Variants in AATK observed in about 807,000 individuals in gnomAD.
AATK encodes the protein lemur tail kinase 1, also known as serine/threonine-protein kinase LMTK1.
Under a neutral mutation model 114.3 loss-of-function variants are expected in AATK, and 91 were observed. The ratio of observed to expected loss-of-function variants is 0.80; its 90% CI spans 0.67 to 0.95. AATK has a LOEUF of 0.95. AATK is among the 40% of genes least tolerant of loss of function. The probability of loss-of-function intolerance (pLI) is 0.00; values close to 1 mark genes in which losing one functional copy is unlikely to be tolerated. For synonymous variants in AATK, 1,075 were observed against 916.5 expected (o/e 1.17, Z -3.12); for missense variants, 2,176 against 1,965.2 (o/e 1.11, Z -2.03).
At chr17:81,127,395 C>T (rs914824037) in intron 6 of AATK, among the ~76,000 whole-genome samples, 188 bp downstream of exon 6, 2 of 152,152 alleles carry the variant, frequency 1.3e-5, no homozygotes, top group Non-Finnish European at 2.9e-5. Flanking sequence ...CCAGCCCCCA[C>T]AGTCCCTCCC....
intron 1 of AATK, among the ~76,000 whole-genome samples, chr17:81,144,469 C>T (rs1341872625): frequency 2.0e-5 from 3 of 152,190 alleles, no homozygotes; most frequent in African/African-American, 4.8e-5. Context: ...GACACAGTGG[C>T]CCCTGGAGGC....
chr17:81,121,423 A>G lies in AATK; in HGVS notation c.2513T>C (p.Ile838Thr). ...TPATGGEVSAIKLASALNGSS... is the reference protein window; with the variant it reads ...TPATGGEVSATKLASALNGSS... ...GCCATTCAGGGCAGAAGCCAGCTTG[A>G]TGGCAGACACCTCGCCACCAGTAGC... is the stretch of plus-strand genomic sequence containing the variant. Residue 838 changes from isoleucine (I) to threonine (T), a missense_variant, in exon 11 of 14, where the codon ATC becomes ACC. Around this residue, in one of 4 missense-constraint regions of AATK, gnomAD observed 1,701 missense variants for 1,394.7 expected, o/e 1.22. Coordinates refer to ENST00000326724, the MANE Select transcript of AATK (RefSeq NM_001080395.3). 2.5e-6 allele frequency: 4 copies of G among 1,605,444 alleles called. No homozygotes were observed. In the South Asian group the frequency reaches 4.5e-5, roughly 18 times the overall value.
At chr17:81,161,707 G>A (rs915984935) in intron 1 of AATK, among the ~76,000 whole-genome samples, 1 of 152,180 alleles carries the variant, frequency 6.6e-6, no homozygotes, top group Non-Finnish European at 1.5e-5. Flanking sequence ...GAAGTTATGA[G>A]ACCTGTCCAT....
intron 1 of AATK, among the ~76,000 whole-genome samples, chr17:81,135,605 A>G (rs78064897): frequency 0.019 from 2,918 of 152,284 alleles, 102 homozygotes; most frequent in African/African-American, 0.066. Flanking sequence ...GCCAAGAAAC[A>G]GGGTCAGTGT....
rs980079738 is a variant in AATK, at chr17:81,118,450, G to A, written c.4085-8C>T. 3 of 1,605,644 alleles carry A rather than the reference G, an allele frequency of 1.9e-6. No individual in the cohort carries two copies. Among genetic ancestry groups the A allele is most frequent in the Non-Finnish European group, 2.5e-6 (3 of 1,176,954 alleles). ...CGGCACCAGCTTCAGGTCCTGGCAA[G>A]CAGGACAACAAAGTGAACACAGGGT... is the stretch of plus-strand genomic sequence containing the variant. On this transcript the variant is annotated splice_polypyrimidine_tract_variant and splice_region_variant and intron_variant, in intron 13 of 13. Transcript: ENST00000326724.
At chr17:81,151,419 G>GAACTGGGGCTGGGGGGA (rs11403513) in intron 1 of AATK, among the ~76,000 whole-genome samples, 10 of 151,604 alleles carry the variant, frequency 6.6e-5, no homozygotes, top group Middle Eastern at 3.4e-3. Flanking sequence ...GGGCTGGGGG[G>GAACTGGGGCTGGGGGGA]ACCGTGGCCG....
intron 1 of AATK, among the ~76,000 whole-genome samples, chr17:81,144,444 G>A (rs1410967336): frequency 6.6e-6 from 1 of 152,198 alleles, no homozygotes; most frequent in African/African-American, 2.4e-5. Flanking sequence ...GAGCAGGCCT[G>A]TGGGTGGCCG....
rs1474497489 is a variant in AATK, at chr17:81,123,208, G to T, written c.1098C>A (p.Thr366=). 7.0e-7 allele frequency: 1 copy of T among 1,426,768 alleles called. No homozygotes were observed. The highest frequency in any genetic ancestry group is 1.5e-5 in the South Asian group (1 of 67,556). The allele number at this position is 1,426,768 out of a possible 1,614,324, so 88.4% of individuals were successfully genotyped here. ...GGGGCCCTCACCAGCGGTCCGACAGGGTCAGCTGCAGCTGGGGCTTGGGCA... is the reference window on the plus strand; with the variant it reads ...GGGGCCCTCACCAGCGGTCCGACAGTGTCAGCTGCAGCTGGGGCTTGGGCA... ...LKLPKPQLQL[T]LSDRWYEVMQ... The change falls in exon 10 of 14, where the codon ACC becomes ACA. Residue 366 remains threonine, a synonymous_variant. Transcript: ENST00000326724.
At chr17:81,151,397 G>A (rs957842890) in intron 1 of AATK, among the ~76,000 whole-genome samples, 7 of 81,558 alleles carry the variant, frequency 8.6e-5, no homozygotes, top group African/African-American at 2.2e-4. Context: ...TTTCTATGAC[G>A]CAAGGCTCCT....
Position 81,121,454 on chromosome 17 carries a change from T to A in AATK, c.2482A>T (p.Thr828Ser). 1 of 1,592,072 alleles carries A rather than the reference T, an allele frequency of 6.3e-7. No individual in the cohort carries two copies. Among genetic ancestry groups the A allele is most frequent in the Non-Finnish European group, 8.6e-7 (1 of 1,168,488 alleles). The change falls in exon 11 of 14, where the codon ACG becomes TCG. Residue 828 changes from threonine (T) to serine (S), a missense_variant. Transcript: ENST00000326724. ...DAPDALPDSP[T>S]PATGGEVSAI... Reference sequence around the variant, plus strand: ...GACACCTCGCCACCAGTAGCAGGCGTGGGAGAGTCAGGCAGGGCATCAGGG... The same window carrying A: ...GACACCTCGCCACCAGTAGCAGGCGAGGGAGAGTCAGGCAGGGCATCAGGG...
rs1598918381 is a variant in AATK, at chr17:81,126,351, A to C, written c.755+76T>G. On this transcript the variant is annotated intron_variant, in intron 7 of 13. Transcript: ENST00000326724. This position sits in a 1 kb window ranked among gnomAD's most constrained non-coding sequence, Gnocchi z 5.1. The stretch of plus-strand genomic sequence containing the variant: ...GTCCTCGCAAGCCCCCTGAGGCAGG[A>C]CCCGCCCTATGCCCTTCCTTCAGGG... The C allele has an allele frequency of 2.7e-5, 40 of 1,488,104 alleles. No homozygotes were observed. Among genetic ancestry groups the C allele is most frequent in the Non-Finnish European group, 3.3e-5 (37 of 1,109,290 alleles). The allele number at this position is 1,488,104 out of a possible 1,614,324, so 92.2% of individuals were successfully genotyped here. A position where few individuals can be genotyped will look rare whatever the true frequency, so the allele number is the denominator to read the frequency against.
chr17:81,140,230 T>C (rs1359067791), intron 1 of AATK, among the ~76,000 whole-genome samples: 1 of 152,226 alleles, frequency 6.6e-6, no homozygotes, highest in African/African-American at 2.4e-5. Context: ...TGGTGTGCAC[T>C]CTGCCGTGAG....
chr17:81,127,594 A>G lies in AATK; in HGVS notation c.610T>C (p.Phe204Leu). ...EVTPYLLVME[F>L]CPLGDLKGYL... is the part of the protein sequence containing the mutation. ...GGGCAGCAGCTCACCAGTGGGCAGA[A>G]CTCCATCACCAGCAGGTAGGGCGTC... The change falls in exon 6 of 14, where the codon TTC becomes CTC. Residue 204 changes from phenylalanine (F) to leucine (L), a missense_variant. Phe to Leu is a conservative substitution (Grantham distance 22). Transcript: ENST00000326724. 1 of 1,599,790 alleles carries G rather than the reference A, an allele frequency of 6.3e-7. No individual in the cohort carries two copies. Among genetic ancestry groups the G allele is most frequent in the Non-Finnish European group, 8.5e-7 (1 of 1,173,860 alleles).
intron 2 of AATK, chr17:81,131,773 C>A: frequency 8.2e-7 from 1 of 1,219,088 alleles, no homozygotes; most frequent in Non-Finnish European, 1.1e-6. Flanking sequence ...GACAGGAATT[C>A]CATCACCCCC....
Position 81,166,033 on chromosome 17 carries a change from C to A in AATK, c.-41G>T, listed in dbSNP as rs763593882. ...CGGCGGGCATCCCGGGAGGGCGCTGCGCTCAGGACGCCCGCGGCCCCGGCC... is the reference window on the plus strand; with the variant it reads ...CGGCGGGCATCCCGGGAGGGCGCTGAGCTCAGGACGCCCGCGGCCCCGGCC... On this transcript the variant is annotated 5_prime_UTR_variant, in exon 1 of 14. Transcript: ENST00000326724. The A allele has an allele frequency of 1.2e-5, 18 of 1,452,012 alleles. No homozygotes were observed. Among genetic ancestry groups the A allele is most frequent in the Non-Finnish European group, 1.6e-5 (18 of 1,097,666 alleles). 89.9% of individuals were successfully genotyped at this position (1,452,012 alleles called of 1,614,324 possible). A position where few individuals can be genotyped will look rare whatever the true frequency, so the allele number is the denominator to read the frequency against.
chr17:81,134,631 A>C, intron 1 of AATK, 130 bp from the exon 2 acceptor site: 2 of 1,186,294 alleles, frequency 1.7e-6, no homozygotes, highest in Non-Finnish European at 2.3e-6. Flanking sequence ...CTGACCTCTC[A>C]CCCCAGACCC....
chr17:81,119,655 GC>G, intron 12 of AATK, 75 bp from the exon 13 acceptor site: 1 of 543,192 alleles, frequency 1.8e-6, no homozygotes, highest in Non-Finnish European at 2.5e-6. Context: ...ACAGTCACGG[GC>G]CCAGGCCCCG....
At chr17:81,141,929 T>G (rs1214499576) in intron 1 of AATK, among the ~76,000 whole-genome samples, 1 of 28,002 alleles carries the variant, frequency 3.6e-5, no homozygotes, top group African/African-American at 1.2e-4. Context: ...CCTTCCTTCC[T>G]TCCTTCCTTC....
chr17:81,120,993 G>A lies in AATK; in HGVS notation c.2943C>T (p.Thr981=), dbSNP rs1327430811. The stretch of plus-strand genomic sequence containing the variant: ...TCTTCTCGTTGAGGCCACTGAGGGA[G>A]GTGGAGAGCCGTGTCTCGGGCCCGG... ...EGPGPETRLS[T]SLSGLNEKNP... is the part of the protein sequence containing the mutation. The change falls in exon 11 of 14, where the codon ACC becomes ACT. Residue 981 remains threonine (T), a synonymous_variant. Coordinates refer to ENST00000326724, the MANE Select transcript of AATK (RefSeq NM_001080395.3). 3 of 1,610,768 alleles carry A rather than the reference G, an allele frequency of 1.9e-6. No individual in the cohort carries two copies. Among genetic ancestry groups the A allele is most frequent in the Admixed American group, 3.3e-5 (2 of 59,812 alleles).
Sources: gnomAD v4.1 joint callset for allele counts (sites outside exome capture counted in the v4.1 genomes callset) on GRCh38, gnomAD v4.1.1 for gene constraint, gnomAD v4.1.1 regional missense constraint, Gnocchi (gnomAD v3.1) non-coding constraint, MANE v1.5 for transcripts, NCBI Gene and HGNC (gene_info 2026-07-23, HGNC 2026-07-21) for gene names.